Variants in KCNC2 observed in about 807,000 individuals in gnomAD.
KCNC2 encodes the protein potassium voltage-gated channel subfamily C member 2.
KCNC2 carries 21 observed loss-of-function variants against 44.5 expected under a neutral mutation model. That is an observed-to-expected ratio of 0.47 (90% CI 0.33 to 0.68). The LOEUF (loss-of-function observed/expected upper bound fraction) is 0.68, where lower values mean the gene tolerates loss of function less well. KCNC2 is among the 30% of genes least tolerant of loss of function. KCNC2 has a pLI of 0.01. For missense variants in KCNC2, 589 were observed against 826.2 expected (o/e 0.71, Z 3.52); for synonymous variants, 391 against 339.1 (o/e 1.15, Z -1.68).
chr12:75,079,777 A>T lies in KCNC2; in HGVS notation c.688-28460T>A, dbSNP rs7956706. On this transcript the variant is annotated intron_variant, in intron 2 of 4. Coordinates refer to ENST00000549446, the MANE Select transcript of KCNC2 (RefSeq NM_139137.4). ...AGGGTTTCTCAATATAAAATAACCA[A>T]ATAATCAAAAGCTACGATAATTTTC... Among the ~76,000 whole-genome samples, 1,966 of 152,280 alleles carry T rather than the reference A, an allele frequency of 0.013. 105 individuals carry two copies. The East Asian group carries it at 0.15, about 12-fold the overall frequency.
intron 2 of KCNC2, among the ~76,000 whole-genome samples, chr12:75,118,034 ACT>A (rs1298708678): frequency 6.6e-6 from 1 of 152,122 alleles, no homozygotes. Context: ...TCAAAACAAG[ACT>A]CATCCTTCAT....
chr12:75,059,815 A>G (rs1882126317), intron 2 of KCNC2, among the ~76,000 whole-genome samples: 2 of 151,202 alleles, frequency 1.3e-5, no homozygotes, highest in Admixed American at 1.3e-4. Flanking sequence ...CTTCTACCCT[A>G]AGGAATTCAC....
intron 2 of KCNC2, among the ~76,000 whole-genome samples, chr12:75,108,372 T>A (rs1229870611): frequency 6.6e-6 from 1 of 152,096 alleles, no homozygotes; most frequent in Non-Finnish European, 1.5e-5. Context: ...AGGCAAGGGG[T>A]CTGCAACAAT....
chr12:75,174,760 T>C (rs1892066287), intron 2 of KCNC2, among the ~76,000 whole-genome samples: 1 of 151,930 alleles, frequency 6.6e-6, no homozygotes, highest in Non-Finnish European at 1.5e-5. Flanking sequence ...AGTTATGTTA[T>C]TCATACAAAA....
intron 2 of KCNC2, among the ~76,000 whole-genome samples, chr12:75,085,456 T>C (rs1247727031): frequency 6.6e-6 from 1 of 152,050 alleles, no homozygotes; most frequent in Non-Finnish European, 1.5e-5. Context: ...ATGCATTTTA[T>C]ATTGATTATT....
chr12:75,171,802 G>T (rs1048913619), intron 2 of KCNC2, among the ~76,000 whole-genome samples: 1 of 151,840 alleles, frequency 6.6e-6, no homozygotes, highest in African/African-American at 2.4e-5. Flanking sequence ...AAATACTTGA[G>T]TGTTGGATAT....
chr12:75,181,530 A>G (rs1892573203), intron 2 of KCNC2, among the ~76,000 whole-genome samples: 1 of 152,136 alleles, frequency 6.6e-6, no homozygotes, highest in Non-Finnish European at 1.5e-5. Flanking sequence ...TCCCTAATGG[A>G]CAGTGTCTAC....
At chr12:75,160,097 T>C (rs1326831974) in intron 2 of KCNC2, among the ~76,000 whole-genome samples, 1 of 151,894 alleles carries the variant, frequency 6.6e-6, no homozygotes, top group Non-Finnish European at 1.5e-5. Context: ...AGAATGTGAC[T>C]GTATTTGGAG....
chr12:75,063,701 T>C (rs529171198), intron 2 of KCNC2, among the ~76,000 whole-genome samples: 3 of 152,106 alleles, frequency 2.0e-5, no homozygotes, highest in African/African-American at 7.2e-5. Context: ...AATGACAATG[T>C]TGGTAGTAAA....
At chr12:75,059,606 T>A (rs1438525777) in intron 2 of KCNC2, among the ~76,000 whole-genome samples, 1 of 152,138 alleles carries the variant, frequency 6.6e-6, no homozygotes, top group African/African-American at 2.4e-5. Context: ...TTAGCTCATA[T>A]CACTTGGTTA....
At chr12:75,182,543 A>AG (rs1458202887) in intron 2 of KCNC2, among the ~76,000 whole-genome samples, 8 of 148,612 alleles carry the variant, frequency 5.4e-5, no homozygotes, top group Non-Finnish European at 1.2e-4. Flanking sequence ...AAAAACAAAA[A>AG]AAACAAAAAA....
chr12:75,181,050 A>T (rs925582017), intron 2 of KCNC2, among the ~76,000 whole-genome samples: 4 of 152,214 alleles, frequency 2.6e-5, no homozygotes, highest in African/African-American at 9.6e-5. Flanking sequence ...AATACTTAAA[A>T]GAGAGTCTCA....
intron 2 of KCNC2, among the ~76,000 whole-genome samples, chr12:75,139,941 G>C (rs2137396604): frequency 6.6e-6 from 1 of 152,158 alleles, no homozygotes; most frequent in Middle Eastern, 3.4e-3. Flanking sequence ...GGCTTGATAG[G>C]GGCATCAAAG....
intron 2 of KCNC2, among the ~76,000 whole-genome samples, chr12:75,163,382 G>C (rs1239308994): frequency 1.3e-5 from 2 of 151,658 alleles, no homozygotes; most frequent in Admixed American, 6.6e-5. Flanking sequence ...AAATTGTTGA[G>C]AGAAACTTAT....
chr12:75,091,180 T>C (rs1592849757), intron 2 of KCNC2, among the ~76,000 whole-genome samples: 1 of 151,772 alleles, frequency 6.6e-6, no homozygotes, highest in East Asian at 1.9e-4. Context: ...CAGTTATTGA[T>C]GTTATTCTAT....
At chr12:75,205,735 A>G (rs2031631060) in intron 2 of KCNC2, among the ~76,000 whole-genome samples, 1 of 151,874 alleles carries the variant, frequency 6.6e-6, no homozygotes, top group African/African-American at 2.4e-5. Flanking sequence ...GCTCCATAAC[A>G]CTCAGCTGGA....
intron 2 of KCNC2, among the ~76,000 whole-genome samples, chr12:75,099,573 CA>C (rs1331158997): frequency 2.6e-5 from 4 of 152,124 alleles, no homozygotes; most frequent in Non-Finnish European, 2.9e-5. Flanking sequence ...TAATTTTATG[CA>C]AACATATGGT....
chr12:75,050,805 G>C lies in KCNC2; in HGVS notation c.1200C>G (p.Ile400Met), dbSNP rs1881088980. ...ALGVLIFATM[I>M]YYAERVGAQP... is the part of the protein sequence containing the mutation. ...GAGCTCCCACTCTCTCGGCATAGTA[G>C]ATCATGGTAGCAAATATCAAAACTC... Residue 400 changes from isoleucine (I) to methionine (M), a missense_variant, in exon 3 of 5, where the codon ATC (isoleucine) becomes ATG (methionine). This residue lies in a region of KCNC2 where 67 missense variants were observed against 237.4 expected (regional missense o/e 0.28). Coordinates refer to ENST00000549446, the MANE Select transcript of KCNC2 (RefSeq NM_139137.4). 6.2e-7 allele frequency: 1 copy of C among 1,613,344 alleles called. No individual in the cohort carries two copies. The highest frequency in any genetic ancestry group is 8.5e-7 in the Non-Finnish European group (1 of 1,179,824).
At chr12:75,143,937 T>C (rs1039353964) in intron 2 of KCNC2, among the ~76,000 whole-genome samples, 8 of 152,186 alleles carry the variant, frequency 5.3e-5, no homozygotes, top group Non-Finnish European at 7.3e-5. Flanking sequence ...TGCTGACATA[T>C]CCTCTATCTG....
Sources: allele counts gnomAD v4.1 joint callset (sites outside exome capture counted in the v4.1 genomes callset), GRCh38; gene constraint gnomAD v4.1.1; regional missense constraint gnomAD v4.1.1; transcripts MANE v1.5; gene names NCBI Gene and HGNC (gene_info 2026-07-23, HGNC 2026-07-21).